DLG2: variants seen among roughly 807,000 people sequenced by gnomAD.
The protein encoded by DLG2 is discs large MAGUK scaffold protein 2, also known as disks large homolog 2.
DLG2 carries 45 observed loss-of-function variants against 132.5 expected under a neutral mutation model. That is an observed-to-expected ratio of 0.34 (90% CI 0.27 to 0.44). The LOEUF is 0.44. Among genes scored for constraint, DLG2 ranks in the 20% least tolerant of loss-of-function variants. The probability of loss-of-function intolerance (pLI) is 1.00; values close to 1 mark genes in which losing one functional copy is unlikely to be tolerated. For missense variants in DLG2, 1,045 were observed against 1,196.9 expected, an observed-to-expected ratio of 0.87 and a Z score of 1.87; for synonymous variants, 424 against 419.6, an observed-to-expected ratio of 1.01 and a Z score of -0.13.
intron 6 of DLG2, among the ~76,000 whole-genome samples, chr11:84,646,928 T>A (rs2099675696): frequency 2.6e-5 from 4 of 152,272 alleles, no homozygotes; most frequent in Admixed American, 1.3e-4. Context: ...CCCAGGCATA[T>A]TCTCTGTCAT....
intron 3 of DLG2, among the ~76,000 whole-genome samples, chr11:85,409,631 CA>C (rs1248105053): frequency 1.3e-5 from 2 of 151,682 alleles, no homozygotes; most frequent in African/African-American, 4.8e-5. Flanking sequence ...AACTCACTTC[CA>C]AAACTTCTGA....
At chr11:84,473,353 A>T (rs1479898773) in intron 7 of DLG2, among the ~76,000 whole-genome samples, 3 of 151,972 alleles carry the variant, frequency 2.0e-5, no homozygotes, top group African/African-American at 7.2e-5. Flanking sequence ...ACCTCCTGAT[A>T]CAAAAAGATG....
intron 11 of DLG2, among the ~76,000 whole-genome samples, chr11:84,026,827 T>C (rs2095547110): frequency 1.3e-5 from 2 of 152,122 alleles, no homozygotes; most frequent in Non-Finnish European, 1.5e-5. Context: ...ATTTGTGAAC[T>C]TGGGAAAATT....
intron 6 of DLG2, among the ~76,000 whole-genome samples, chr11:84,744,840 A>C (rs897270244): frequency 6.6e-6 from 1 of 150,888 alleles, no homozygotes; most frequent in African/African-American, 2.4e-5. Flanking sequence ...AGCATGAGGA[A>C]TTTTTTTGAA....
intron 3 of DLG2, among the ~76,000 whole-genome samples, chr11:85,568,070 A>G (rs1281199103): frequency 6.8e-6 from 1 of 147,348 alleles, no homozygotes; most frequent in African/African-American, 2.5e-5. Context: ...GCTGGAGTGC[A>G]ATGGCGCGAT....
In DLG2 at chr11:85,368,911, C is replaced by A. The variant is rs114657715; in HGVS notation, c.41-83546G>T. On this transcript the variant is annotated intron_variant, in intron 3 of 27. Transcript: ENST00000376104. ...TCCTGTGTGGAGCCTGGGATTCAGG[C>A]AGTGGGCAGGAAGCACTCTAGTGGA... 8.7e-3 allele frequency among the ~76,000 whole-genome samples: 1,328 copies of A among 152,292 alleles called. 16 individuals are homozygous for A. The highest frequency in any genetic ancestry group is 0.03 in the African/African-American group (1,255 of 41,566).
intron 7 of DLG2, among the ~76,000 whole-genome samples, chr11:84,434,747 C>T (rs1157049051): frequency 1.3e-5 from 2 of 151,862 alleles, no homozygotes; most frequent in Non-Finnish European, 2.9e-5. Flanking sequence ...AGTAATAAGT[C>T]ACACTGAGTG....
At chr11:83,815,673 T>C (rs1450636866) in intron 17 of DLG2, among the ~76,000 whole-genome samples, 1 of 152,130 alleles carries the variant, frequency 6.6e-6, no homozygotes. Flanking sequence ...TTGAGCTTGC[T>C]GGGGCAAGCC....
chr11:85,425,113 T>A (rs1181273775), intron 3 of DLG2, among the ~76,000 whole-genome samples: 1 of 152,190 alleles, frequency 6.6e-6, no homozygotes, highest in Non-Finnish European at 1.5e-5. Flanking sequence ...AATAACAGAT[T>A]GTAAATTACA....
At chr11:85,170,339 C>T (rs554564136) in intron 4 of DLG2, among the ~76,000 whole-genome samples, 2 of 152,160 alleles carry the variant, frequency 1.3e-5, no homozygotes, top group East Asian at 1.9e-4. Flanking sequence ...ATACTTGCCT[C>T]GTAAGAACCT....
chr11:83,840,550 A>G (rs1209428050), intron 16 of DLG2, among the ~76,000 whole-genome samples: 1 of 152,216 alleles, frequency 6.6e-6, no homozygotes, highest in African/African-American at 2.4e-5. Flanking sequence ...TTCATCTAAA[A>G]GGGGGCTGCT....
intron 6 of DLG2, among the ~76,000 whole-genome samples, chr11:85,014,991 A>T (rs750288291): frequency 6.6e-6 from 1 of 152,154 alleles, no homozygotes; most frequent in Non-Finnish European, 1.5e-5. Context: ...CAACTTCCAT[A>T]CTACCTATAG....
chr11:83,846,958 A>C (rs911381241), intron 16 of DLG2, among the ~76,000 whole-genome samples: 12 of 151,486 alleles, frequency 7.9e-5, no homozygotes, highest in African/African-American at 2.9e-4. Context: ...AAAAAAAAAA[A>C]AAGGATTACC....
rs115413553 is a variant in DLG2 at position 84,170,004 on chromosome 11, G to T, written c.574-6493C>A. Among the ~76,000 whole-genome samples, 1,392 of 152,134 alleles carry T rather than the reference G, an allele frequency of 9.1e-3. 22 individuals carry two copies. The highest frequency in any genetic ancestry group is 0.031 in the African/African-American group (1,305 of 41,496). ...TGCTATTGGCACTCACTTTCTTAAG[G>T]CTATTCTCAAGGCATTTCCTATATC... On this transcript the variant is annotated intron_variant, in intron 8 of 27. Transcript: ENST00000376104.
intron 6 of DLG2, among the ~76,000 whole-genome samples, chr11:84,924,149 T>G (rs2092888842): frequency 6.6e-6 from 1 of 152,188 alleles, no homozygotes; most frequent in South Asian, 2.1e-4. Context: ...CTGTTGTCAT[T>G]CCTGTCAGGC....
At chr11:85,110,631 C>G (rs1306563439) in intron 6 of DLG2, among the ~76,000 whole-genome samples, 3 of 152,018 alleles carry the variant, frequency 2.0e-5, no homozygotes, top group African/African-American at 7.2e-5. Context: ...CCACTTTCTC[C>G]CCCCTGCCAC....
intron 7 of DLG2, among the ~76,000 whole-genome samples, chr11:84,312,971 G>A (rs1021640679): frequency 8.7e-5 from 13 of 148,892 alleles, no homozygotes; most frequent in East Asian, 2.0e-4. Flanking sequence ...CACCACGCCC[G>A]GCCAATTTTT....
At chr11:83,802,345 A>T (rs1160155817) in intron 17 of DLG2, among the ~76,000 whole-genome samples, 1 of 151,972 alleles carries the variant, frequency 6.6e-6, no homozygotes, top group Non-Finnish European at 1.5e-5. Flanking sequence ...TTCTCAACTC[A>T]CCCACCAAAT....
intron 15 of DLG2, among the ~76,000 whole-genome samples, chr11:83,881,059 T>C (rs1193879316): frequency 2.6e-5 from 4 of 151,812 alleles, no homozygotes; most frequent in African/African-American, 9.7e-5. Context: ...AAAAAAATGA[T>C]AAAAACCGTG....
Sources: allele counts gnomAD v4.1 joint callset (sites outside exome capture counted in the v4.1 genomes callset), GRCh38; gene constraint gnomAD v4.1.1; transcripts MANE v1.5; gene names NCBI Gene and HGNC (gene_info 2026-07-23, HGNC 2026-07-21).